Variants in CTNNA2 observed in about 807,000 individuals in gnomAD.
The protein encoded by CTNNA2 is catenin alpha-2.
A neutral mutation model predicts 101.0 loss-of-function variants in CTNNA2; 42 were observed. The ratio of observed to expected loss-of-function variants is 0.42; its 90% CI spans 0.32 to 0.54. The LOEUF (loss-of-function observed/expected upper bound fraction) is 0.54, where lower values mean the gene tolerates loss of function less well. CTNNA2 is among the 20% of genes least tolerant of loss of function. The pLI, the probability that CTNNA2 is intolerant of heterozygous loss-of-function variation, is 0.14. For missense variants in CTNNA2, 871 were observed against 1,223.1 expected, an observed-to-expected ratio of 0.71 and a Z score of 4.29; for synonymous variants, 450 against 456.4, an observed-to-expected ratio of 0.99 and a Z score of 0.18.
intron 2 of CTNNA2, among the ~76,000 whole-genome samples, chr2:79,229,630 G>GCC (rs1674464644): frequency 6.6e-6 from 1 of 152,188 alleles, no homozygotes; most frequent in East Asian, 1.9e-4. Context: ...GGGCATTGCT[G>GCC]AAAAGATACC....
Position 79,744,418 on chromosome 2 carries a change from G to T in CTNNA2, c.134G>T (p.Gly45Val). ...ACACTTGTCAACACAAGCAACAAAG[G>T]CCCATCTGGTAAAAAGAAAGGGAGG... ...VTTLVNTSNK[G>V]PSGKKKGRSK... The change falls in exon 3 of 19, where the codon GGC (glycine) becomes GTC (valine). Residue 45 changes from glycine to valine, a missense_variant. Physicochemically the swap from Gly to Val is moderately radical, Grantham distance 109 (BLOSUM62 -3). Coordinates refer to ENST00000402739, the MANE Select transcript of CTNNA2 (RefSeq NM_001282597.3). The T allele has an allele frequency of 6.2e-7, 1 of 1,613,746 alleles. No homozygotes were observed. Among genetic ancestry groups the T allele is most frequent in the Non-Finnish European group, 8.5e-7 (1 of 1,179,878 alleles).
At chr2:80,065,578 T>C (rs1457783111) in intron 7 of CTNNA2, among the ~76,000 whole-genome samples, 1 of 152,046 alleles carries the variant, frequency 6.6e-6, no homozygotes, top group Non-Finnish European at 1.5e-5. Flanking sequence ...GGTCTTGATC[T>C]CCTGACCTTG....
intron 7 of CTNNA2, among the ~76,000 whole-genome samples, chr2:80,296,257 GGAA>G (rs964822938): frequency 8.5e-5 from 13 of 152,096 alleles, no homozygotes; most frequent in African/African-American, 3.1e-4. Flanking sequence ...TTTTGGTTGG[GGAA>G]GAAGAAGGCA....
intron 3 of CTNNA2, among the ~76,000 whole-genome samples, chr2:79,328,885 C>G (rs746710299): frequency 1.1e-4 from 17 of 152,162 alleles, no homozygotes; most frequent in Non-Finnish European, 1.2e-4. Flanking sequence ...GTTTCTGACC[C>G]TTGCCTTTTC....
At chr2:80,333,535 T>C (rs1559017316) in intron 7 of CTNNA2, among the ~76,000 whole-genome samples, 1 of 152,224 alleles carries the variant, frequency 6.6e-6, no homozygotes, top group Non-Finnish European at 1.5e-5. Flanking sequence ...GACATGAGAT[T>C]CTGAATCTCC....
intron 7 of CTNNA2, among the ~76,000 whole-genome samples, chr2:80,264,578 T>G (rs944582731): frequency 1.3e-5 from 2 of 152,182 alleles, no homozygotes; most frequent in Non-Finnish European, 2.9e-5. Flanking sequence ...TCCTCCTCAT[T>G]GCTGGTTGAT....
intron 4 of CTNNA2, among the ~76,000 whole-genome samples, chr2:79,466,375 G>C (rs1379366244): frequency 6.6e-6 from 1 of 152,212 alleles, no homozygotes; most frequent in Non-Finnish European, 1.5e-5. Flanking sequence ...AAACAAAGTA[G>C]CCTGGAAGCT....
chr2:79,314,313 G>A (rs1676447791), intron 3 of CTNNA2, among the ~76,000 whole-genome samples: 1 of 152,178 alleles, frequency 6.6e-6, no homozygotes, highest in Non-Finnish European at 1.5e-5. Flanking sequence ...GTGATACCTA[G>A]GAGTTCTTGC....
chr2:79,785,907 T>C (rs570474713), intron 3 of CTNNA2, among the ~76,000 whole-genome samples: 74 of 152,296 alleles, frequency 4.9e-4, no homozygotes, highest in Non-Finnish European at 7.6e-4. Flanking sequence ...TTGCATGTTA[T>C]TGTTTGTATG....
intron 7 of CTNNA2, among the ~76,000 whole-genome samples, chr2:80,008,632 G>A (rs1007924903): frequency 4.6e-5 from 7 of 152,164 alleles, no homozygotes; most frequent in African/African-American, 7.2e-5. Context: ...TTAGGTAGAG[G>A]GTCTACAGTC....
intron 7 of CTNNA2, among the ~76,000 whole-genome samples, chr2:80,026,802 A>G (rs904255562): frequency 1.6e-4 from 25 of 152,350 alleles, no homozygotes; most frequent in African/African-American, 5.8e-4. Flanking sequence ...TATTTAAAAC[A>G]GTATTCTCAT....
At chr2:79,774,986 A>G (rs1190501321) in intron 3 of CTNNA2, among the ~76,000 whole-genome samples, 2 of 152,168 alleles carry the variant, frequency 1.3e-5, no homozygotes, top group Non-Finnish European at 2.9e-5. Flanking sequence ...TTTTAAAGCC[A>G]TCCCTTTATG....
At position 79,515,022 on chromosome 2, in the gene CTNNA2, G is replaced by A. The variant is rs865908408; in HGVS notation, c.-6+1815G>A. ...AGTGATTGAGTGCTGATTTGATGAA[G>A]AGCTGATAGTTAATCACCTGAGTCA... On this transcript the variant is annotated intron_variant, in intron 1 of 18. Transcript: ENST00000402739. Among the ~76,000 whole-genome samples the A allele has an allele frequency of 7.2e-5, 11 of 152,324 alleles. No individual in the cohort carries two copies. The South Asian group carries it at 2.3e-3, about 32-fold the overall frequency.
chr2:80,155,135 C>T (rs1304475643), intron 7 of CTNNA2, among the ~76,000 whole-genome samples: 3 of 152,044 alleles, frequency 2.0e-5, no homozygotes, highest in Non-Finnish European at 4.4e-5. Context: ...TGCTTTTTTG[C>T]TTGAAGAGAA....
chr2:79,434,755 G>A (rs560070835), intron 4 of CTNNA2, among the ~76,000 whole-genome samples: 2 of 152,288 alleles, frequency 1.3e-5, no homozygotes, highest in South Asian at 4.2e-4. Flanking sequence ...GGACCAGAAG[G>A]GAGATGAGTG....
At chr2:80,416,674 T>A (rs966928500) in intron 8 of CTNNA2, among the ~76,000 whole-genome samples, 1 of 152,048 alleles carries the variant, frequency 6.6e-6, no homozygotes, top group African/African-American at 2.4e-5. Flanking sequence ...ATGTCTTTAT[T>A]GTCAGAGTAT....
At chr2:79,552,816 T>C (rs1169430557) in intron 1 of CTNNA2, among the ~76,000 whole-genome samples, 2 of 152,214 alleles carry the variant, frequency 1.3e-5, no homozygotes, top group African/African-American at 4.8e-5. Context: ...TTTTTGAGGC[T>C]GCGTAGAGCA....
intron 1 of CTNNA2, among the ~76,000 whole-genome samples, chr2:79,535,513 C>CT (rs1365587539): frequency 6.6e-6 from 1 of 151,914 alleles, no homozygotes; most frequent in Non-Finnish European, 1.5e-5. Context: ...CCATATTTTG[C>CT]TTTTATAACC....
chr2:79,322,281 C>CG (rs1676644067), intron 3 of CTNNA2, among the ~76,000 whole-genome samples: 1 of 152,044 alleles, frequency 6.6e-6, no homozygotes, highest in Admixed American at 6.5e-5. Context: ...ATATAGACTG[C>CG]GGGGGGCTGC....
Sources: allele counts gnomAD v4.1 joint callset (sites outside exome capture counted in the v4.1 genomes callset), GRCh38; gene constraint gnomAD v4.1.1; transcripts MANE v1.5; gene names NCBI Gene and HGNC (gene_info 2026-07-23, HGNC 2026-07-21).